Variants in DAB1 observed in about 807,000 individuals in gnomAD.
DAB1 encodes disabled homolog 1.
A neutral mutation model predicts 64.6 loss-of-function variants in DAB1; 15 were observed. That is an observed-to-expected ratio of 0.23 (90% CI 0.16 to 0.36). The LOEUF (loss-of-function observed/expected upper bound fraction) is 0.36. DAB1 is among the 10% of genes least tolerant of loss of function. The pLI is 1.00. For missense variants in DAB1, 596 were observed against 706.7 expected (o/e 0.84, Z 1.78); for synonymous variants, 235 against 251.9 (o/e 0.93, Z 0.64).
chr1:58,183,853 T>A (rs1426290296), intron 4 of DAB1, among the ~76,000 whole-genome samples: 1 of 151,868 alleles, frequency 6.6e-6, no homozygotes, highest in Non-Finnish European at 1.5e-5. Context: ...TTTCTTTTAT[T>A]CCTCTTTTCA....
chr1:57,894,940 G>A (rs1031824159), intron 5 of DAB1, among the ~76,000 whole-genome samples: 1 of 152,074 alleles, frequency 6.6e-6, no homozygotes, highest in Non-Finnish European at 1.5e-5. Context: ...ATTGGTCTGA[G>A]CAAATTGTAG....
chr1:57,194,068 G>A (rs2100225932), intron 2 of DAB1, among the ~76,000 whole-genome samples: 1 of 152,314 alleles, frequency 6.6e-6, no homozygotes, highest in Non-Finnish European at 1.5e-5. Flanking sequence ...TCAATATCTG[G>A]GAACAAGAGC....
rs571033074 is a variant in DAB1, at chr1:57,440,166, C to A, written n.626-149000G>T. ...CTGAATGAAACCTTCTCTGACCATT[C>A]TTTCTTCTTTGATTCCTTTCTGTAT... On this transcript the variant is annotated intron_variant and non_coding_transcript_variant, in intron 7 of 20. Coordinates refer to the DAB1 transcript ENST00000485760. Among the ~76,000 whole-genome samples the A allele has an allele frequency of 2.6e-5, 4 of 152,320 alleles. No homozygotes were observed. The South Asian group carries it at 8.3e-4, about 32-fold the overall frequency.
intron 5 of DAB1, among the ~76,000 whole-genome samples, chr1:58,118,503 T>TATATATATACAC (rs1341446315): frequency 0.016 from 857 of 52,870 alleles, 17 homozygotes; most frequent in East Asian, 0.045. Flanking sequence ...TATATATATA[T>TATATATATACAC]ACACACACAC....
At chr1:57,086,241 G>A (rs949032770) in intron 4 of DAB1, among the ~76,000 whole-genome samples, 3 of 152,114 alleles carry the variant, frequency 2.0e-5, no homozygotes, top group African/African-American at 7.2e-5. Context: ...TCAGGTTCGA[G>A]GACAGAGAGT....
chr1:57,660,970 T>C (rs1433307364), intron 6 of DAB1, among the ~76,000 whole-genome samples: 2 of 152,182 alleles, frequency 1.3e-5, no homozygotes, highest in Non-Finnish European at 2.9e-5. Context: ...CCTGGGAAAG[T>C]GAATTTGCAA....
chr1:58,422,602 ATTT>A (rs36063995), intron 3 of DAB1, among the ~76,000 whole-genome samples: 45 of 128,210 alleles, frequency 3.5e-4, no homozygotes, highest in African/African-American at 3.6e-4. Flanking sequence ...CAGGAGGCAA[ATTT>A]TTTTTTTTTT....
intron 7 of DAB1, among the ~76,000 whole-genome samples, chr1:57,446,597 G>GC (rs1553182809): frequency 2.4e-5 from 1 of 41,544 alleles, no homozygotes; most frequent in Non-Finnish European, 6.1e-5. Context: ...AAACTCCGTT[G>GC]CAAAAAAAAA....
intron 6 of DAB1, among the ~76,000 whole-genome samples, chr1:57,682,313 ATC>A (rs1646645619): frequency 6.6e-6 from 1 of 151,154 alleles, no homozygotes; most frequent in South Asian, 2.1e-4. Flanking sequence ...TACAAGAAAA[ATC>A]TCTAGTAGCA....
At chr1:58,243,054 T>C (rs1401449906) in intron 4 of DAB1, among the ~76,000 whole-genome samples, 2 of 152,282 alleles carry the variant, frequency 1.3e-5, no homozygotes, top group Middle Eastern at 3.4e-3. Context: ...ATTCTACAAA[T>C]TGACAAATAT....
intron 6 of DAB1, among the ~76,000 whole-genome samples, chr1:57,744,628 C>T (rs774083333): frequency 3.3e-5 from 5 of 152,170 alleles, no homozygotes; most frequent in Admixed American, 2.0e-4. Flanking sequence ...GTCTGGATTC[C>T]GATGTCTTTT....
At chr1:57,504,482 CAGTATT>C (rs1490440304) in intron 7 of DAB1, among the ~76,000 whole-genome samples, 4 of 152,006 alleles carry the variant, frequency 2.6e-5, no homozygotes. Flanking sequence ...TAAAAGAAAA[CAGTATT>C]AGATTATAAC....
Position 57,015,148 on chromosome 1 carries a change from C to T in DAB1, c.1179G>A (p.Thr393=), listed in dbSNP as rs755254023. 9 of 1,614,026 alleles carry T rather than the reference C, an allele frequency of 5.6e-6. No homozygotes were observed. The highest frequency in any genetic ancestry group is 3.3e-5 in the Admixed American group (2 of 60,002). Residue 393 remains threonine, a synonymous_variant, in exon 12 of 15, where the codon ACG becomes ACA. Transcript: ENST00000371236. ...GTGGACTTGACCTGGTGGAGTCACT[C>T]GTGCCTGGGACGGTGGCAAGGGGGG... ...PLTPLATVPG[T]SDSTRSSPQT...
chr1:58,426,931 C>G (rs1456768903), intron 3 of DAB1, among the ~76,000 whole-genome samples: 1 of 152,130 alleles, frequency 6.6e-6, no homozygotes, highest in African/African-American at 2.4e-5. Context: ...TAGGAAAGGC[C>G]TCACTGCAAA....
At chr1:57,582,197 A>C (rs1645321570) in intron 7 of DAB1, among the ~76,000 whole-genome samples, 1 of 152,232 alleles carries the variant, frequency 6.6e-6, no homozygotes, top group South Asian at 2.1e-4. Context: ...GATAGTTTAT[A>C]AACAAAAGAG....
intron 6 of DAB1, among the ~76,000 whole-genome samples, chr1:57,691,320 T>C (rs1646761679): frequency 6.6e-6 from 1 of 152,106 alleles, no homozygotes; most frequent in Non-Finnish European, 1.5e-5. Context: ...CAGTACTCTG[T>C]GTCTAGCTAA....
intron 3 of DAB1, among the ~76,000 whole-genome samples, chr1:58,496,369 A>G (rs1164015199): frequency 6.6e-6 from 1 of 152,184 alleles, no homozygotes; most frequent in East Asian, 1.9e-4. Flanking sequence ...GTTCTTTCAG[A>G]TTCTGTCACT....
chr1:57,120,130 TG>T (rs1433849991), intron 4 of DAB1, among the ~76,000 whole-genome samples: 2 of 152,210 alleles, frequency 1.3e-5, no homozygotes, highest in Non-Finnish European at 2.9e-5. Flanking sequence ...TTTTTTGGGC[TG>T]GAGTTGACAA....
At chr1:58,332,649 T>A (rs1387171234) in intron 4 of DAB1, among the ~76,000 whole-genome samples, 3 of 151,968 alleles carry the variant, frequency 2.0e-5, no homozygotes, top group Non-Finnish European at 4.4e-5. Flanking sequence ...TGAACAACCT[T>A]TGGCCAAAAA....
Sources: allele counts gnomAD v4.1 joint callset (sites outside exome capture counted in the v4.1 genomes callset), GRCh38; gene constraint gnomAD v4.1.1; transcripts MANE v1.5; gene names NCBI Gene and HGNC (gene_info 2026-07-23, HGNC 2026-07-21).